Variants in MCC observed in about 807,000 individuals in gnomAD.
MCC encodes the protein colorectal mutant cancer protein.
Under a neutral mutation model 116.2 loss-of-function variants are expected in MCC, and 90 were observed. That is an observed-to-expected ratio of 0.77 (90% CI 0.65 to 0.92). The LOEUF is 0.92. Ranked by LOEUF, MCC falls within the 40% of genes least tolerant of loss-of-function variation. MCC has a pLI of 0.00. For missense variants in MCC, 1,516 were observed against 1,312.2 expected, an observed-to-expected ratio of 1.16 and a Z score of -2.40; for synonymous variants, 578 against 510.5, an observed-to-expected ratio of 1.13 and a Z score of -1.78.
intron 1 of MCC, among the ~76,000 whole-genome samples, chr5:113,425,284 C>A (rs1182448528): frequency 1.3e-5 from 2 of 152,194 alleles, no homozygotes; most frequent in Non-Finnish European, 1.5e-5. Flanking sequence ...ATCTCAAATT[C>A]TATGCCCAGT....
intron 1 of MCC, among the ~76,000 whole-genome samples, chr5:113,408,230 C>T (rs1422498500): frequency 6.6e-6 from 1 of 152,168 alleles, no homozygotes; most frequent in Non-Finnish European, 1.5e-5. Context: ...GGAAGGCAAA[C>T]TTCTGGAGCA....
At chr5:113,161,745 A>T (rs1760499415) in intron 3 of MCC, among the ~76,000 whole-genome samples, 1 of 152,210 alleles carries the variant, frequency 6.6e-6, no homozygotes. Flanking sequence ...AACTCAAGGC[A>T]CATGCTTCCA....
At chr5:113,079,958 C>T (rs776855553) in intron 11 of MCC, among the ~76,000 whole-genome samples, 1 of 152,094 alleles carries the variant, frequency 6.6e-6, no homozygotes, top group East Asian at 1.9e-4. Context: ...ATTTACAAGA[C>T]AAAATCAAAC....
chr5:113,440,153 T>C (rs1172365448), intron 1 of MCC, among the ~76,000 whole-genome samples: 1 of 152,230 alleles, frequency 6.6e-6, no homozygotes, highest in Non-Finnish European at 1.5e-5. Context: ...GAAAGTGCCC[T>C]TACTGGTCTC....
At chr5:113,459,157 GT>G (rs1771669551) in intron 1 of MCC, among the ~76,000 whole-genome samples, 3 of 141,336 alleles carry the variant, frequency 2.1e-5, no homozygotes, top group Admixed American at 7.1e-5. Flanking sequence ...GTGTGTGTGT[GT>G]GTGTGTGTGT....
At chr5:113,226,953 C>G (rs1025273039) in intron 3 of MCC, among the ~76,000 whole-genome samples, 1 of 152,104 alleles carries the variant, frequency 6.6e-6, no homozygotes, top group Admixed American at 6.5e-5. Context: ...GATAACTATA[C>G]CTGACTTGTA....
chr5:113,253,133 T>C lies in MCC; in HGVS notation c.627+87386A>G, dbSNP rs1764864412. ...CACATAAATGGACTAAAGATTCGTA[T>C]AGGTCAGATGAGAGCATACTGAGAA... is the stretch of plus-strand genomic sequence containing the variant. On this transcript the variant is annotated intron_variant, in intron 3 of 18. Coordinates refer to ENST00000408903, the MANE Select transcript of MCC (RefSeq NM_001085377.2). Among the ~76,000 whole-genome samples, 3 of 152,312 alleles carry C rather than the reference T, an allele frequency of 2.0e-5. 1 individual carries two copies. The South Asian group carries it at 6.2e-4, about 32-fold the overall frequency.
intron 3 of MCC, among the ~76,000 whole-genome samples, chr5:113,287,360 G>A (rs142350011): frequency 0.013 from 1,951 of 152,072 alleles, 50 homozygotes; most frequent in African/African-American, 0.044. Flanking sequence ...ACAGAGTCTC[G>A]CTCTGTCGCC....
chr5:113,150,644 T>A (rs920062657), intron 4 of MCC, among the ~76,000 whole-genome samples: 3 of 151,212 alleles, frequency 2.0e-5, no homozygotes, highest in Non-Finnish European at 4.4e-5. Flanking sequence ...AAAGAAAAAA[T>A]TAAATTAAAA....
intron 8 of MCC, among the ~76,000 whole-genome samples, chr5:113,094,202 G>A (rs1755854772): frequency 6.6e-6 from 1 of 152,062 alleles, no homozygotes; most frequent in South Asian, 2.1e-4. Context: ...TTTACATGGT[G>A]TTTCAGGATA....
intron 13 of MCC, among the ~76,000 whole-genome samples, chr5:113,067,000 C>T (rs577951871): frequency 7.2e-4 from 109 of 152,354 alleles, no homozygotes; most frequent in African/African-American, 2.5e-3. Flanking sequence ...TTGGGTCTCT[C>T]TTTCCTCTTA....
In MCC at chr5:113,340,743, G is replaced by A; in HGVS notation, c.416-13C>T. On this transcript the variant is annotated splice_polypyrimidine_tract_variant and intron_variant, in intron 2 of 18. Transcript: ENST00000408903. ...GCTGATAAGGCACCTAAGTCCGAGAGAAGCAGAGAAAATGAAAAGACATTT... is the reference window on the plus strand; with the variant it reads ...GCTGATAAGGCACCTAAGTCCGAGAAAAGCAGAGAAAATGAAAAGACATTT... 2 of 1,609,674 alleles carry A rather than the reference G, an allele frequency of 1.2e-6. No homozygotes were observed. The highest frequency in any genetic ancestry group is 1.7e-6 in the Non-Finnish European group (2 of 1,177,732).
intron 3 of MCC, among the ~76,000 whole-genome samples, chr5:113,210,439 C>T (rs1763089192): frequency 6.6e-6 from 1 of 151,828 alleles, no homozygotes. Flanking sequence ...CTTCCCCCAA[C>T]ACATACATAA....
At chr5:113,035,576 G>C (rs529535255) in intron 17 of MCC, among the ~76,000 whole-genome samples, 32 of 152,190 alleles carry the variant, frequency 2.1e-4, no homozygotes, top group African/African-American at 6.5e-4. Context: ...TGGGCCTTTG[G>C]GCTGCTGGAA....
At chr5:113,117,500 G>C (rs1386612174) in intron 6 of MCC, among the ~76,000 whole-genome samples, 1 of 152,200 alleles carries the variant, frequency 6.6e-6, no homozygotes, top group African/African-American at 2.4e-5. Context: ...ATAATGGTTT[G>C]ATATTTCAAC....
intron 8 of MCC, among the ~76,000 whole-genome samples, chr5:113,089,483 T>C (rs1034702941): frequency 6.6e-6 from 1 of 152,250 alleles, no homozygotes; most frequent in Non-Finnish European, 1.5e-5. Flanking sequence ...AGAGCTCTAC[T>C]GATGGTTCAG....
chr5:113,381,396 A>G (rs531834886), intron 2 of MCC, among the ~76,000 whole-genome samples: 2 of 152,326 alleles, frequency 1.3e-5, no homozygotes, highest in South Asian at 4.1e-4. Context: ...GATATCTAGG[A>G]ATACATGTCA....
intron 1 of MCC, among the ~76,000 whole-genome samples, chr5:113,441,943 T>G (rs1278293909): frequency 6.6e-6 from 1 of 152,246 alleles, no homozygotes; most frequent in South Asian, 2.1e-4. Context: ...TGAATAGTGC[T>G]GCAATAAACA....
At chr5:113,401,646 T>C (rs891090439) in intron 1 of MCC, among the ~76,000 whole-genome samples, 3 of 152,144 alleles carry the variant, frequency 2.0e-5, no homozygotes, top group Non-Finnish European at 4.4e-5. Context: ...GCATTCATAC[T>C]GAGAATAGAT....
Sources: allele counts gnomAD v4.1 joint callset (sites outside exome capture counted in the v4.1 genomes callset), GRCh38; gene constraint gnomAD v4.1.1; transcripts MANE v1.5; gene names NCBI Gene and HGNC (gene_info 2026-07-23, HGNC 2026-07-21).